Variants in TOR3A observed in about 807,000 individuals in gnomAD.
TOR3A encodes torsin-3A.
In TOR3A, 44 loss-of-function variants were observed where a neutral mutation model predicts 42.1. The ratio of observed to expected loss-of-function variants is 1.04; its 90% CI spans 0.82 to 1.34. The LOEUF (loss-of-function observed/expected upper bound fraction) is 1.34, where lower values mean the gene tolerates loss of function less well. Ranked by LOEUF, TOR3A falls within the 40% of genes most tolerant of loss-of-function variation. The probability of loss-of-function intolerance (pLI) is 0.00; values close to 1 mark genes in which losing one functional copy is unlikely to be tolerated. For missense variants in TOR3A, 521 were observed against 507.6 expected, an observed-to-expected ratio of 1.03 and a Z score of -0.25; for synonymous variants, 227 against 213.2, an observed-to-expected ratio of 1.06 and a Z score of -0.57.
At chr1:179,092,875 G>A (rs1216420036) in intron 4 of TOR3A, among the ~76,000 whole-genome samples, 1 of 152,026 alleles carries the variant, frequency 6.6e-6, no homozygotes, top group Non-Finnish European at 1.5e-5. Flanking sequence ...AGGGTGGCAT[G>A]TACCTGCAGT....
In TOR3A at chr1:179,085,612, T is replaced by G; in HGVS notation, c.374-16T>G. 1 of 1,611,464 alleles carries G rather than the reference T, an allele frequency of 6.2e-7. No homozygotes were observed. The stretch of plus-strand genomic sequence containing the variant: ...GTGTGTGCCTTTTGCTGTGACTACC[T>G]CTTTCCTGTCCTTAGGCTTAGAGTG... On this transcript the variant is annotated splice_polypyrimidine_tract_variant and intron_variant, in intron 2 of 5. Transcript: ENST00000367627.
rs569227331 is a variant in TOR3A at position 179,095,500 on chromosome 1, C to T, written c.*282C>T. ...AAGATCACTTGGTGCCTTAAAGACA[C>T]GCATTCCAAAGTGGAATGTGGTTGA... On this transcript the variant is annotated 3_prime_UTR_variant, in exon 6 of 6. Coordinates refer to ENST00000367627, the MANE Select transcript of TOR3A (RefSeq NM_022371.4). 2.0e-5 allele frequency: 25 copies of T among 1,277,194 alleles called. No individual in the cohort carries two copies. In the South Asian group the frequency reaches 3.9e-4, roughly 20 times the overall value. 79.1% of individuals were successfully genotyped at this position (1,277,194 alleles called of 1,614,324 possible).
At chr1:179,094,726 A>G (rs1469201072) in intron 5 of TOR3A, among the ~76,000 whole-genome samples, 1 of 152,158 alleles carries the variant, frequency 6.6e-6, no homozygotes, top group Non-Finnish European at 1.5e-5. Flanking sequence ...AAAAAAAACA[A>G]AAATTAGCCA....
chr1:179,092,376 C>A (rs1419370788), intron 4 of TOR3A, among the ~76,000 whole-genome samples: 3 of 152,162 alleles, frequency 2.0e-5, no homozygotes, highest in African/African-American at 7.2e-5. Context: ...CACTCCTTAA[C>A]CTGCCACCTG....
chr1:179,084,903 G>A (rs1652387317), intron 2 of TOR3A, among the ~76,000 whole-genome samples: 1 of 152,210 alleles, frequency 6.6e-6, no homozygotes, highest in Admixed American at 6.5e-5. Flanking sequence ...TTTGCACACT[G>A]GAGCTGCTCT....
At position 179,088,229 on chromosome 1, in the gene TOR3A, C is replaced by T. The variant is rs537680425; in HGVS notation, c.818+140C>T. ...AAACTCTGGTACAGAAAGCAGCAGC[C>T]AGCTGTGGTAGCTCACGCCTGTAAT... On this transcript the variant is annotated intron_variant, in intron 4 of 5. Coordinates refer to ENST00000367627, the MANE Select transcript of TOR3A (RefSeq NM_022371.4). 60 of 963,460 alleles carry T rather than the reference C, an allele frequency of 6.2e-5. No individual in the cohort carries two copies. The South Asian group carries it at 1.1e-3, about 18-fold the overall frequency. The allele number at this position is 963,460 out of a possible 1,614,324, so 59.7% of individuals were successfully genotyped here.
rs1652347891 is a variant in TOR3A at position 179,083,522 on chromosome 1, A to G, written c.373+469A>G. ...ATTTTCCTGCCTCAGCCTCCCGAGT[A>G]GCTGGGATTACAGGTGCCTGCCACC... On this transcript the variant is annotated intron_variant, in intron 2 of 5. Coordinates refer to ENST00000367627, the MANE Select transcript of TOR3A (RefSeq NM_022371.4). 2.8e-5 allele frequency among the ~76,000 whole-genome samples: 4 copies of G among 144,426 alleles called. No homozygotes were observed. In the Admixed American group the frequency reaches 2.9e-4, roughly 11 times the overall value. 94.7% of individuals were successfully genotyped at this position (144,426 alleles called of 152,430 possible). A position where few individuals can be genotyped will look rare whatever the true frequency, so the allele number is the denominator to read the frequency against.
At position 179,082,230 on chromosome 1, in the gene TOR3A, C is replaced by T; in HGVS notation, c.102C>T (p.Asp34=). The part of the protein sequence containing the change: ...RGASRPWEGT[D]EPGSAWAWPG... ...CCTCCAGGCCGTGGGAGGGAACCGA[C>T]GAGCCGGGCTCGGCCTGGGCCTGGC... Residue 34 remains aspartate (D), a synonymous_variant, in exon 1 of 6, where the codon GAC becomes GAT. Transcript: ENST00000367627. 1 of 1,517,942 alleles carries T rather than the reference C, an allele frequency of 6.6e-7. No individual in the cohort carries two copies. The highest frequency in any genetic ancestry group is 1.2e-5 in the South Asian group (1 of 81,362). 94.0% of individuals were successfully genotyped at this position (1,517,942 alleles called of 1,614,324 possible). A position where few individuals can be genotyped will look rare whatever the true frequency, so the allele number is the denominator to read the frequency against.
In TOR3A at chr1:179,095,749, G is replaced by A. The variant is rs150424170; in HGVS notation, c.*531G>A. ...TACACTCTAGGTTTGCAGGCTGGTG[G>A]GCTTTCAAATTGGTACTTCCAGAGG... On this transcript the variant is annotated 3_prime_UTR_variant, in exon 6 of 6. Transcript: ENST00000367627. 7.8e-4 allele frequency: 764 copies of A among 985,386 alleles called. 5 individuals are homozygous for A. The African/African-American group carries it at 0.013, about 17-fold the overall frequency. The allele number at this position is 985,386 out of a possible 1,614,324, so 61.0% of individuals were successfully genotyped here.
At chr1:179,092,328 C>G (rs543458237) in intron 4 of TOR3A, among the ~76,000 whole-genome samples, 1 of 152,274 alleles carries the variant, frequency 6.6e-6, no homozygotes, top group South Asian at 2.1e-4. Context: ...GCTTTCAGAG[C>G]TGGGTAAGGA....
rs1557890599 is a variant in TOR3A at position 179,095,980 on chromosome 1, T to TTTTGA, written c.*766_*770dup. The TTTTGA allele has an allele frequency of 2.0e-6, 2 of 985,210 alleles. No individual in the cohort carries two copies. The highest frequency in any genetic ancestry group is 2.3e-4 in the East Asian group (2 of 8,828). 61.0% of individuals were successfully genotyped at this position (985,210 alleles called of 1,614,324 possible). A position where few individuals can be genotyped will look rare whatever the true frequency, so the allele number is the denominator to read the frequency against. ...TATGTAAAGATGATAAGATTAAAAT[T>TTTTGA]TTTGATTTTCCTAAAATCCTTGGCG... On this transcript the variant is annotated 3_prime_UTR_variant, in exon 6 of 6. Coordinates refer to ENST00000367627, the MANE Select transcript of TOR3A (RefSeq NM_022371.4).
Position 179,085,821 on chromosome 1 carries a change from G to T in TOR3A, c.567G>T (p.Leu189=), listed in dbSNP as rs374318600. The T allele has an allele frequency of 6.2e-7, 1 of 1,614,070 alleles. No individual in the cohort carries two copies. The highest frequency in any genetic ancestry group is 1.3e-5 in the African/African-American group (1 of 74,942). Residue 189 remains leucine (L), a synonymous_variant, in exon 3 of 6, where the codon CTG becomes CTT. Transcript: ENST00000367627. ...TGGAGAACCTGTATCGGGACGGGCT[G>T]ATGAGTGACTGTGTCAGGATGTTCA... is the stretch of plus-strand genomic sequence containing the variant. ...MLVENLYRDG[L]MSDCVRMFIA...
rs1553210607 is a variant in TOR3A at position 179,095,743 on chromosome 1, C to CTGGT, written c.*526_*529dup. 1 of 989,448 alleles carries CTGGT rather than the reference C, an allele frequency of 1.0e-6. No individual in the cohort carries two copies. The highest frequency in any genetic ancestry group is 1.2e-6 in the Non-Finnish European group (1 of 832,592). The allele number at this position is 989,448 out of a possible 1,614,324, so 61.3% of individuals were successfully genotyped here. On this transcript the variant is annotated 3_prime_UTR_variant, in exon 6 of 6. Coordinates refer to ENST00000367627, the MANE Select transcript of TOR3A (RefSeq NM_022371.4). ...GGAGAATACACTCTAGGTTTGCAGG[C>CTGGT]TGGTGGGCTTTCAAATTGGTACTTC...
intron 3 of TOR3A, among the ~76,000 whole-genome samples, chr1:179,087,386 C>T (rs2102543344): frequency 6.6e-6 from 1 of 152,334 alleles, no homozygotes; most frequent in African/African-American, 2.4e-5. Context: ...GGGCAGGGGA[C>T]TGTGGCTGCC....
intron 1 of TOR3A, 100 bp from the exon 2 acceptor site, chr1:179,082,839 TG>T: frequency 1.2e-6 from 1 of 807,274 alleles, no homozygotes. Context: ...ATCTGAGTTC[TG>T]GGTGTCCCTC....
Position 179,093,486 on chromosome 1 carries a change from G to GT in TOR3A, c.819-602dup, listed in dbSNP as rs375828108. On this transcript the variant is annotated intron_variant, in intron 4 of 5. Coordinates refer to ENST00000367627, the MANE Select transcript of TOR3A (RefSeq NM_022371.4). ...ACTTCTCACATCCATCAGTTACAGGGTTTTTCAATTGTGCCTCCATAACTA... is the reference window on the plus strand; with the variant it reads ...ACTTCTCACATCCATCAGTTACAGGGTTTTTTCAATTGTGCCTCCATAACTA... Among the ~76,000 whole-genome samples, 414 of 152,272 alleles carry GT rather than the reference G, an allele frequency of 2.7e-3. 5 individuals are homozygous for GT. The highest frequency in any genetic ancestry group is 9.7e-3 in the African/African-American group (404 of 41,558).
At chr1:179,090,067 C>T (rs1184798433) in intron 4 of TOR3A, among the ~76,000 whole-genome samples, 1 of 146,976 alleles carries the variant, frequency 6.8e-6, no homozygotes, top group African/African-American at 2.5e-5. Flanking sequence ...CCCCAGTGAC[C>T]CAGCCTGGGT....
chr1:179,088,024 C>G lies in TOR3A; in HGVS notation c.753C>G (p.His251Gln), dbSNP rs200579334. The change falls in exon 4 of 6, where the codon CAC becomes CAG. Residue 251 changes from histidine to glutamine, a missense_variant. His to Gln is a conservative substitution (Grantham distance 24, BLOSUM62 0). Transcript: ENST00000367627. ...HPGLLEVLGP[H>Q]LERRAPEGHR... ...GGCTGCTGGAGGTCCTTGGGCCACA[C>G]TTAGAACGCCGGGCCCCTGAGGGCC... The G allele has an allele frequency of 6.2e-7, 1 of 1,613,548 alleles. No homozygotes were observed. Among genetic ancestry groups the G allele is most frequent in the Non-Finnish European group, 8.5e-7 (1 of 1,179,756 alleles).
intron 4 of TOR3A, among the ~76,000 whole-genome samples, chr1:179,090,116 G>T (rs901315067): frequency 3.6e-5 from 5 of 140,172 alleles, no homozygotes; most frequent in Middle Eastern, 3.5e-3. Context: ...CGGGGTGGGG[G>T]GGGGGGCCTG....
Sources: allele counts gnomAD v4.1 joint callset (sites outside exome capture counted in the v4.1 genomes callset), GRCh38; gene constraint gnomAD v4.1.1; transcripts MANE v1.5; gene names NCBI Gene and HGNC (gene_info 2026-07-23, HGNC 2026-07-21).